GSG1L2: variants seen among roughly 807,000 people sequenced by gnomAD.
GSG1L2 encodes the protein germ cell-specific gene 1-like protein 2.
A neutral mutation model predicts 9.0 loss-of-function variants in GSG1L2; 15 were observed. The ratio of observed to expected loss-of-function variants is 1.67; its 90% confidence interval spans 1.12 to 2.57. The LOEUF is 2.57. GSG1L2 is among the 30% of genes most tolerant of loss of function. The probability of loss-of-function intolerance (pLI) is 0.00; values close to 1 mark genes in which losing one functional copy is unlikely to be tolerated. For synonymous variants in GSG1L2, 127 were observed against 57.9 expected, an observed-to-expected ratio of 2.19 and a Z score of -5.41; for missense variants, 286 against 150.3, an observed-to-expected ratio of 1.90 and a Z score of -4.72.
intron 4 of GSG1L2, among the ~76,000 whole-genome samples, chr17:9,806,636 A>G (rs1411215088): frequency 6.6e-6 from 1 of 152,232 alleles, no homozygotes; most frequent in East Asian, 1.9e-4. Flanking sequence ...CACGGTTGAG[A>G]ACCCACCTAC....
At chr17:9,821,016 A>C (rs2066587369) in intron 1 of GSG1L2, among the ~76,000 whole-genome samples, 2 of 152,150 alleles carry the variant, frequency 1.3e-5, no homozygotes, top group African/African-American at 4.8e-5. Flanking sequence ...CAAAAATCAA[A>C]TGCTATGAGA....
At chr17:9,817,871 C>T (rs1434881905) in intron 1 of GSG1L2, among the ~76,000 whole-genome samples, 1 of 152,024 alleles carries the variant, frequency 6.6e-6, no homozygotes, top group African/African-American at 2.4e-5. Context: ...CTTAAGGATT[C>T]CTTCTCTCCC....
rs1597937703 is a variant in GSG1L2 at position 9,800,871 on chromosome 17, A to G, written c.*1515T>C. 6.6e-6 allele frequency among the ~76,000 whole-genome samples: 1 copy of G among 152,254 alleles called. No individual in the cohort carries two copies. Among genetic ancestry groups the G allele is most frequent in the Non-Finnish European group, 1.5e-5 (1 of 68,048 alleles). On this transcript the variant is annotated 3_prime_UTR_variant, in exon 5 of 5. Coordinates refer to ENST00000399363, the MANE Select transcript of GSG1L2 (RefSeq NM_001310219.2). The stretch of plus-strand genomic sequence containing the variant: ...CCTGCTCTAGGTGAGCACATGGCCC[A>G]GGGAACCCCAGCAGACATTCTCTGG...
chr17:9,810,808 C>T (rs992310455), intron 1 of GSG1L2, 190 bp from the exon 2 acceptor site: 20 of 586,098 alleles, frequency 3.4e-5, no homozygotes, highest in South Asian at 1.3e-4. Flanking sequence ...GGCTTGGCCA[C>T]GTAACACTCT....
intron 1 of GSG1L2, among the ~76,000 whole-genome samples, chr17:9,815,126 G>A (rs1222013779): frequency 2.6e-5 from 4 of 152,192 alleles, no homozygotes; most frequent in Non-Finnish European, 4.4e-5. Flanking sequence ...GGTGGCTCAC[G>A]CCTGTAATCC....
chr17:9,808,550 G>C (rs946726882), intron 3 of GSG1L2, among the ~76,000 whole-genome samples: 4 of 152,172 alleles, frequency 2.6e-5, no homozygotes, highest in Admixed American at 6.5e-5. Context: ...TTTCAGTGAA[G>C]TGATGTCAGC....
At position 9,802,418 on chromosome 17, in the gene GSG1L2, G is replaced by A. The variant is rs760461700; in HGVS notation, c.850C>T (p.Pro284Ser). The A allele has an allele frequency of 2.9e-6, 2 of 688,458 alleles. No individual in the cohort carries two copies. Among genetic ancestry groups the A allele is most frequent in the Non-Finnish European group, 5.3e-6 (2 of 376,168 alleles). The allele number at this position is 688,458 out of a possible 1,614,324, so 42.6% of individuals were successfully genotyped here. The change falls in exon 5 of 5, where the codon CCA becomes TCA. Residue 284 changes from proline to serine, a missense_variant. Transcript: ENST00000399363. Reference sequence around the variant, plus strand: ...ATGGACACCTTGCCTGGGGCGCCTGGTGGGAGGTGTCCAGAAACATTCCTG... The same window carrying A: ...ATGGACACCTTGCCTGGGGCGCCTGATGGGAGGTGTCCAGAAACATTCCTG... ...AFRNVSGHLP[P>S]GAPGKVSIC is the part of the protein sequence containing the mutation.
chr17:9,807,309 G>T (rs759705358), intron 4 of GSG1L2, among the ~76,000 whole-genome samples, 181 bp downstream of exon 4: 2 of 152,192 alleles, frequency 1.3e-5, no homozygotes, highest in Non-Finnish European at 2.9e-5. Context: ...TTTGAGGCAG[G>T]TATCCTCACT....
chr17:9,814,974 C>T (rs2066553936), intron 1 of GSG1L2, among the ~76,000 whole-genome samples: 1 of 152,198 alleles, frequency 6.6e-6, no homozygotes, highest in Admixed American at 6.5e-5. Flanking sequence ...CTGCCTGGGC[C>T]AGGAACTGTC....
chr17:9,811,954 A>G (rs538450171), intron 1 of GSG1L2, among the ~76,000 whole-genome samples: 1 of 152,040 alleles, frequency 6.6e-6, no homozygotes, highest in African/African-American at 2.4e-5. Flanking sequence ...CTTCAAAGGA[A>G]TGGCATTCTT....
chr17:9,821,999 C>T lies in GSG1L2; in HGVS notation c.73G>A (p.Ala25Thr), dbSNP rs377016768. ...TCACACCAGTGGCTGCTGACCACGG[C>T]GGTGAGGGAGAAGGTGAGGGCGAGG... is the stretch of plus-strand genomic sequence containing the variant. The part of the protein sequence containing the change: ...VCLALTFSLT[A>T]VVSSHWCEGT... Residue 25 changes from alanine to threonine, a missense_variant, in exon 1 of 5, where the codon GCC becomes ACC. Transcript: ENST00000399363. The T allele has an allele frequency of 2.7e-4, 191 of 703,074 alleles. No homozygotes were observed. Among genetic ancestry groups the T allele is most frequent in the African/African-American group, 1.4e-3 (82 of 57,406 alleles). 43.6% of individuals were successfully genotyped at this position (703,074 alleles called of 1,614,324 possible).
At position 9,805,910 on chromosome 17, in the gene GSG1L2, T is replaced by G. The variant is rs2066514637; in HGVS notation, c.623+1580A>C. Among the ~76,000 whole-genome samples the G allele has an allele frequency of 4.6e-5, 7 of 152,282 alleles. No individual in the cohort carries two copies. The South Asian group carries it at 1.5e-3, about 32-fold the overall frequency. ...TCCTGGCTTCCTTACGGAGAACATT[T>G]CTGATGTACACGTCACCATGGTAAT... On this transcript the variant is annotated intron_variant, in intron 4 of 4. Coordinates refer to ENST00000399363, the MANE Select transcript of GSG1L2 (RefSeq NM_001310219.2).
At position 9,820,809 on chromosome 17, in the gene GSG1L2, T is replaced by C. The variant is rs1009983785; in HGVS notation, c.310+953A>G. Among the ~76,000 whole-genome samples, 1 of 151,942 alleles carries C rather than the reference T, an allele frequency of 6.6e-6. No homozygotes were observed. Among genetic ancestry groups the C allele is most frequent in the Non-Finnish European group, 1.5e-5 (1 of 67,984 alleles). Reference sequence around the variant, plus strand: ...GGGACCACAGGCACACCCCACCATGTCCAGCTAATTTTTTAAAAAAACCTT... The same window carrying C: ...GGGACCACAGGCACACCCCACCATGCCCAGCTAATTTTTTAAAAAAACCTT... On this transcript the variant is annotated intron_variant, in intron 1 of 4. Transcript: ENST00000399363. This position sits in a 1 kb window ranked among gnomAD's most constrained non-coding sequence, Gnocchi z 4.9.
chr17:9,816,416 C>CTGTG (rs150644987), intron 1 of GSG1L2, among the ~76,000 whole-genome samples: 3 of 132,890 alleles, frequency 2.3e-5, no homozygotes, highest in Non-Finnish European at 4.9e-5. Flanking sequence ...GTGTGTGTGT[C>CTGTG]TGTGTGTGTG....
At chr17:9,818,988 T>C (rs931100529) in intron 1 of GSG1L2, among the ~76,000 whole-genome samples, 3 of 152,188 alleles carry the variant, frequency 2.0e-5, no homozygotes, top group African/African-American at 7.2e-5. Context: ...GACAAGGAAA[T>C]GACTGTCAGT....
rs188229007 is a variant in GSG1L2 at position 9,820,238 on chromosome 17, A to G, written c.310+1524T>C. 2.6e-5 allele frequency among the ~76,000 whole-genome samples: 4 copies of G among 152,218 alleles called. No individual in the cohort carries two copies. The highest frequency in any genetic ancestry group is 4.4e-5 in the Non-Finnish European group (3 of 68,042). On this transcript the variant is annotated intron_variant, in intron 1 of 4. Transcript: ENST00000399363. This position sits in a 1 kb window ranked among gnomAD's most constrained non-coding sequence, Gnocchi z 4.9. Reference sequence around the variant, plus strand: ...GGTGATACATTTGATAACTGGTGTGACGCCTATATAGAGCTGTGGAAACAG... The same window carrying G: ...GGTGATACATTTGATAACTGGTGTGGCGCCTATATAGAGCTGTGGAAACAG...
At position 9,808,917 on chromosome 17, in the gene GSG1L2, G is replaced by A. The variant is rs552981535; in HGVS notation, c.424C>T (p.Leu142Phe). 1.6e-5 allele frequency: 11 copies of A among 703,028 alleles called. No homozygotes were observed. Among genetic ancestry groups the A allele is most frequent in the East Asian group, 2.7e-5 (1 of 37,278 alleles). The allele number at this position is 703,028 out of a possible 1,614,324, so 43.5% of individuals were successfully genotyped here. Residue 142 changes from leucine (L) to phenylalanine (F), a missense_variant, in exon 3 of 5, where the codon CTC becomes TTC. Leu to Phe is a conservative substitution (Grantham distance 22). Coordinates refer to ENST00000399363, the MANE Select transcript of GSG1L2 (RefSeq NM_001310219.2). ...DIVLILTSAI[L>F]LGSRVSCRSP... ...CGACAACTCACTCTGGAGCCCAGGA[G>A]GATGGCGCTTGTCAGTATCAGAACG...
chr17:9,813,828 G>T (rs919723835), intron 1 of GSG1L2, among the ~76,000 whole-genome samples: 2 of 152,200 alleles, frequency 1.3e-5, no homozygotes, highest in African/African-American at 2.4e-5. Context: ...AGTCACCATC[G>T]CAAGTTTCCT....
rs1407871172 is a variant in GSG1L2 at position 9,816,898 on chromosome 17, G to C, written c.310+4864C>G. 2.9e-3 allele frequency among the ~76,000 whole-genome samples: 350 copies of C among 120,136 alleles called. 5 individuals are homozygous for C. Among genetic ancestry groups the C allele is most frequent in the African/African-American group, 0.012 (330 of 28,508 alleles). 78.8% of individuals were successfully genotyped at this position (120,136 alleles called of 152,430 possible). ...TGTGTGTATCTGTGTGTGTGTATCT[G>C]TGTGTGTGTATCTGTGTGTGTGTGT... On this transcript the variant is annotated intron_variant, in intron 1 of 4. Coordinates refer to ENST00000399363, the MANE Select transcript of GSG1L2 (RefSeq NM_001310219.2).
Sources: gnomAD v4.1 joint callset for allele counts (sites outside exome capture counted in the v4.1 genomes callset) on GRCh38, gnomAD v4.1.1 for gene constraint, Gnocchi (gnomAD v3.1) non-coding constraint, MANE v1.5 for transcripts, NCBI Gene and HGNC (gene_info 2026-07-23, HGNC 2026-07-21) for gene names.